KCND3: variants seen among roughly 807,000 people sequenced by gnomAD.
The protein encoded by KCND3 is potassium voltage-gated channel subfamily D member 3.
KCND3 carries 9 observed loss-of-function variants against 51.1 expected under a neutral mutation model. That is an observed-to-expected ratio of 0.18 (90% confidence interval 0.11 to 0.31). The LOEUF (loss-of-function observed/expected upper bound fraction) is 0.31, where lower values mean the gene tolerates loss of function less well. Among genes scored for constraint, KCND3 ranks in the 10% least tolerant of loss-of-function variants. The pLI is 1.00. For missense variants in KCND3, 526 were observed against 903.8 expected, an observed-to-expected ratio of 0.58 and a Z score of 5.36; for synonymous variants, 349 against 368.0, an observed-to-expected ratio of 0.95 and a Z score of 0.59.
At position 111,777,021 on chromosome 1, in the gene KCND3, C is replaced by A; in HGVS notation, c.1766+5G>T. Reference sequence around the variant, plus strand: ...TTTGCGGGTGATGGGATGGAAGCCACCCACCTGGTTGTGAGGGAGGGCTGC... The same window carrying A: ...TTTGCGGGTGATGGGATGGAAGCCAACCACCTGGTTGTGAGGGAGGGCTGC... On this transcript the variant is annotated splice_donor_5th_base_variant and intron_variant, in intron 7 of 7. Transcript: ENST00000302127. The A allele has an allele frequency of 6.2e-7, 1 of 1,613,156 alleles. No homozygotes were observed. Among genetic ancestry groups the A allele is most frequent in the Non-Finnish European group, 8.5e-7 (1 of 1,179,868 alleles).
At chr1:111,839,180 T>C (rs1667213558) in intron 2 of KCND3, among the ~76,000 whole-genome samples, 1 of 152,244 alleles carries the variant, frequency 6.6e-6, no homozygotes, top group Non-Finnish European at 1.5e-5. Flanking sequence ...ATGTCCTTTG[T>C]TCCATGTGCT....
At position 111,944,831 on chromosome 1, in the gene KCND3, T is replaced by A. The variant is rs9429613; in HGVS notation, c.1106+36790A>T. 6.8e-3 allele frequency among the ~76,000 whole-genome samples: 1,035 copies of A among 152,306 alleles called. 8 individuals carry two copies. The highest frequency in any genetic ancestry group is 0.024 in the African/African-American group (987 of 41,556). ...AAACAAATATGGGCATTTCAGCCATTACCATTACCGGAGGCCCAGGTTGAA... is the reference window on the plus strand; with the variant it reads ...AAACAAATATGGGCATTTCAGCCATAACCATTACCGGAGGCCCAGGTTGAA... On this transcript the variant is annotated intron_variant, in intron 2 of 7. Transcript: ENST00000302127.
At chr1:111,898,568 A>T (rs1388497881) in intron 2 of KCND3, among the ~76,000 whole-genome samples, 1 of 152,216 alleles carries the variant, frequency 6.6e-6, no homozygotes, top group Non-Finnish European at 1.5e-5. Flanking sequence ...GGAGACTTTC[A>T]GTAAGCAATA....
intron 1 of KCND3, chr1:111,988,799 A>T (rs556392500): frequency 6.6e-6 from 1 of 152,214 alleles, no homozygotes; most frequent in Non-Finnish European, 1.5e-5. Context: ...TGTTGCTGAC[A>T]TATCAGGGCT....
intron 3 of KCND3, among the ~76,000 whole-genome samples, chr1:111,783,993 A>G (rs1453326459): frequency 6.6e-6 from 1 of 152,130 alleles, no homozygotes; most frequent in African/African-American, 2.4e-5. Context: ...GGGGTTAGGG[A>G]CAGGGCAGGG....
At chr1:111,880,671 A>G (rs2101736699) in intron 2 of KCND3, among the ~76,000 whole-genome samples, 1 of 152,336 alleles carries the variant, frequency 6.6e-6, no homozygotes, top group Non-Finnish European at 1.5e-5. Flanking sequence ...AGAGAAATCA[A>G]CTTATGGCTC....
chr1:111,820,778 C>T (rs1277452493), intron 2 of KCND3, among the ~76,000 whole-genome samples: 2 of 152,148 alleles, frequency 1.3e-5, no homozygotes, highest in African/African-American at 2.4e-5. Flanking sequence ...TTGGCCCTAA[C>T]CCAATTACTG....
chr1:111,883,762 A>T (rs956452874), intron 2 of KCND3, among the ~76,000 whole-genome samples: 16 of 152,294 alleles, frequency 1.1e-4, no homozygotes, highest in Middle Eastern at 6.8e-3. Context: ...GCCTTTATTC[A>T]GTGCTTATCA....
At chr1:111,810,421 G>A (rs1665794262) in intron 2 of KCND3, among the ~76,000 whole-genome samples, 2 of 152,206 alleles carry the variant, frequency 1.3e-5, no homozygotes, top group Admixed American at 1.3e-4. Context: ...CCATTCTGGT[G>A]CTCCATCCCT....
chr1:111,945,601 C>T (rs115651511), intron 2 of KCND3, among the ~76,000 whole-genome samples: 6 of 152,298 alleles, frequency 3.9e-5, no homozygotes, highest in African/African-American at 9.6e-5. Flanking sequence ...TGGAAATGAT[C>T]GATTCAGGCT....
At chr1:111,916,130 C>G (rs1671207184) in intron 2 of KCND3, among the ~76,000 whole-genome samples, 2 of 152,188 alleles carry the variant, frequency 1.3e-5, no homozygotes, top group Non-Finnish European at 2.9e-5. Context: ...TCCACATTGT[C>G]TTCAGGTGCA....
Position 111,868,721 on chromosome 1 carries a change from C to T in KCND3, c.1107-81615G>A, listed in dbSNP as rs534868174. 6.6e-5 allele frequency among the ~76,000 whole-genome samples: 10 copies of T among 152,132 alleles called. No homozygotes were observed. In the East Asian group the frequency reaches 1.7e-3, roughly 26 times the overall value. Reference sequence around the variant, plus strand: ...ATTTCTATTTTATAATTGAAGAGACCGAGGCCTGGGAATTTAACTGTTTCT... The same window carrying T: ...ATTTCTATTTTATAATTGAAGAGACTGAGGCCTGGGAATTTAACTGTTTCT... On this transcript the variant is annotated intron_variant, in intron 2 of 7. Coordinates refer to ENST00000302127, the MANE Select transcript of KCND3 (RefSeq NM_001378969.1).
At chr1:111,799,706 G>A (rs933260680) in intron 2 of KCND3, among the ~76,000 whole-genome samples, 1 of 152,202 alleles carries the variant, frequency 6.6e-6, no homozygotes, top group Non-Finnish European at 1.5e-5. Context: ...TCTGGTTCTT[G>A]TAGAGACATA....
intron 2 of KCND3, among the ~76,000 whole-genome samples, chr1:111,823,540 G>A (rs1024687859): frequency 2.6e-5 from 4 of 152,022 alleles, no homozygotes; most frequent in African/African-American, 9.7e-5. Context: ...TAATGATGCT[G>A]GTTTTACACT....
chr1:111,954,387 T>G (rs1457271546), intron 2 of KCND3, among the ~76,000 whole-genome samples: 1 of 152,132 alleles, frequency 6.6e-6, no homozygotes, highest in Non-Finnish European at 1.5e-5. Context: ...AACTCTTAAG[T>G]GAAGTTTAAA....
intron 2 of KCND3, among the ~76,000 whole-genome samples, chr1:111,911,826 G>A (rs1042051835): frequency 3.9e-5 from 6 of 152,184 alleles, no homozygotes; most frequent in East Asian, 3.8e-4. Flanking sequence ...GACAAAAGGC[G>A]ATACAGGACT....
chr1:111,805,932 G>A (rs1473033378), intron 2 of KCND3, among the ~76,000 whole-genome samples: 1 of 152,198 alleles, frequency 6.6e-6, no homozygotes, highest in Admixed American at 6.5e-5. Flanking sequence ...GGGACAGGAG[G>A]GCAGGAAGAG....
At chr1:111,879,073 T>A (rs1483675772) in intron 2 of KCND3, among the ~76,000 whole-genome samples, 1 of 152,208 alleles carries the variant, frequency 6.6e-6, no homozygotes, top group Non-Finnish European at 1.5e-5. Context: ...AACAGAAACA[T>A]CAGCTCTCCT....
chr1:111,931,236 G>A (rs1422514057), intron 2 of KCND3, among the ~76,000 whole-genome samples: 2 of 152,168 alleles, frequency 1.3e-5, no homozygotes, highest in Non-Finnish European at 2.9e-5. Context: ...AGGTGAGAAG[G>A]AAGGAGGAAT....
Sources: gnomAD v4.1 joint callset for allele counts (sites outside exome capture counted in the v4.1 genomes callset) on GRCh38, gnomAD v4.1.1 for gene constraint, MANE v1.5 for transcripts, NCBI Gene and HGNC (gene_info 2026-07-23, HGNC 2026-07-21) for gene names.